Variants in ARHGEF2 observed in about 807,000 individuals in gnomAD.
ARHGEF2 encodes the protein rho guanine nucleotide exchange factor 2.
Under a neutral mutation model 121.0 loss-of-function variants are expected in ARHGEF2, and 22 were observed. The ratio of observed to expected loss-of-function variants is 0.18; its 90% CI spans 0.13 to 0.26. The LOEUF is 0.26. Among genes scored for constraint, ARHGEF2 ranks in the 10% least tolerant of loss-of-function variants. The pLI is 1.00. For synonymous variants in ARHGEF2, 487 were observed against 530.0 expected (o/e 0.92, Z 1.11); for missense variants, 907 against 1,336.0 (o/e 0.68, Z 5.01).
intron 1 of ARHGEF2, among the ~76,000 whole-genome samples, chr1:155,972,743 C>CTGGACTG (rs1464190335): frequency 2.0e-5 from 3 of 151,340 alleles, no homozygotes; most frequent in African/African-American, 7.3e-5. Flanking sequence ...ACTCTGTTGC[C>CTGGACTG]TGGACTGGAG....
In ARHGEF2 at chr1:155,962,470, G is replaced by T; in HGVS notation, c.1101+123C>A. ...GTTACTGCTGACAGGATCTGTGTAT[G>T]GATGGTCTGCACGGGTGGCGAATGC... On this transcript the variant is annotated intron_variant, in intron 9 of 21. Coordinates refer to ENST00000361247, the MANE Select transcript of ARHGEF2 (RefSeq NM_001162383.2). The surrounding 1 kb of genome is among the most constrained non-coding windows in gnomAD (Gnocchi z 5.8). The T allele has an allele frequency of 7.2e-7, 1 of 1,390,952 alleles. No individual in the cohort carries two copies. Among genetic ancestry groups the T allele is most frequent in the Non-Finnish European group, 9.9e-7 (1 of 1,006,608 alleles). 86.2% of individuals were successfully genotyped at this position (1,390,952 alleles called of 1,614,324 possible).
At chr1:155,952,521 A>G in intron 15 of ARHGEF2, 107 bp downstream of exon 15, 1 of 1,300,018 alleles carries the variant, frequency 7.7e-7, no homozygotes, top group Non-Finnish European at 1.1e-6. Flanking sequence ...TTTATGGTTT[A>G]TAGGGTTGGC....
At chr1:155,957,678 T>A in intron 13 of ARHGEF2, 35 bp downstream of exon 13, 1 of 1,583,456 alleles carries the variant, frequency 6.3e-7, no homozygotes, top group Admixed American at 1.7e-5. Context: ...TACCCTGAGG[T>A]CATAAGCACA....
intron 1 of ARHGEF2, chr1:155,970,353 C>A (rs747688987): frequency 2.0e-4 from 201 of 985,422 alleles, no homozygotes; most frequent in Non-Finnish European, 2.4e-4. Flanking sequence ...CCTCTTCAAG[C>A]CCCTGTGATT....
At position 155,952,820 on chromosome 1, in the gene ARHGEF2, G is replaced by C; in HGVS notation, c.1792C>G (p.Gln598Glu). Reference protein sequence around the residue: ...AYLRRIKMELQQKDRALVELL... With the variant: ...AYLRRIKMELEQKDRALVELL... The stretch of plus-strand genomic sequence containing the variant: ...TCCACCAGTGCCCGGTCCTTCTGCT[G>C]CAACTCCACTGCAGATAAGGAACAA... Residue 598 changes from glutamine (Q) to glutamate (E), a missense_variant, in exon 15 of 22, where the codon CAG (glutamine) becomes GAG (glutamate). By Grantham distance (29) the Gln-to-Glu change is conservative. Around this residue, in one of 2 missense-constraint regions of ARHGEF2, gnomAD observed 432 missense variants for 559.5 expected, o/e 0.77. Transcript: ENST00000361247. 6.2e-7 allele frequency: 1 copy of C among 1,614,170 alleles called. No homozygotes were observed. Among genetic ancestry groups the C allele is most frequent in the Non-Finnish European group, 8.5e-7 (1 of 1,180,026 alleles).
intron 14 of ARHGEF2, among the ~76,000 whole-genome samples, chr1:155,953,335 C>T (rs1315418400): frequency 1.3e-5 from 2 of 151,894 alleles, no homozygotes; most frequent in African/African-American, 4.8e-5. Flanking sequence ...TTCCATCTTC[C>T]TTTAATGAGA....
rs568080626 is a variant in ARHGEF2, at chr1:155,969,261, G to A, written c.103C>T (p.Arg35Cys). ...KEKMKEAKDA[R>C]YTNGHLFTTI... Reference sequence around the variant, plus strand: ...GTGAAGAGGTGCCCATTGGTATAGCGGGCATCCTTGGCTTCCTTCATCTTC... The same window carrying A: ...GTGAAGAGGTGCCCATTGGTATAGCAGGCATCCTTGGCTTCCTTCATCTTC... The change falls in exon 2 of 22, where the codon CGC becomes TGC. Residue 35 changes from arginine (R) to cysteine (C), a missense_variant. Transcript: ENST00000361247. 3.1e-6 allele frequency: 5 copies of A among 1,614,032 alleles called. No homozygotes were observed. Among genetic ancestry groups the A allele is most frequent in the East Asian group, 2.2e-5 (1 of 44,900 alleles).
chr1:155,956,609 A>G (rs28379575), intron 13 of ARHGEF2, among the ~76,000 whole-genome samples: 123,113 of 151,434 alleles, frequency 0.81, 52,146 homozygotes, highest in East Asian at 0.94. Flanking sequence ...TAAATCTGAG[A>G]TCAGGAGTTC....
At position 155,978,453 on chromosome 1, in the gene ARHGEF2, C is replaced by T. The variant is rs1681741639; in HGVS notation, c.-26G>A. The T allele has an allele frequency of 6.9e-6, 10 of 1,454,146 alleles. No homozygotes were observed. Among genetic ancestry groups the T allele is most frequent in the African/African-American group, 4.3e-5 (3 of 69,458 alleles). 90.1% of individuals were successfully genotyped at this position (1,454,146 alleles called of 1,614,324 possible). A position where few individuals can be genotyped will look rare whatever the true frequency, so the allele number is the denominator to read the frequency against. ...AATCGGACGGGGGGACCAGGGAGGACGCGGCGCGGACCCCGGCGTCCTGTA... is the reference window on the plus strand; with the variant it reads ...AATCGGACGGGGGGACCAGGGAGGATGCGGCGCGGACCCCGGCGTCCTGTA... On this transcript the variant is annotated 5_prime_UTR_variant, in exon 1 of 22. Transcript: ENST00000361247. The surrounding 1 kb of genome is among the most constrained non-coding windows in gnomAD (Gnocchi z 4.1).
rs1677795092 is a variant in ARHGEF2, at chr1:155,961,008, C to T, written c.1468+653G>A. Among the ~76,000 whole-genome samples the T allele has an allele frequency of 6.6e-6, 1 of 152,202 alleles. No homozygotes were observed. Among genetic ancestry groups the T allele is most frequent in the Non-Finnish European group, 1.5e-5 (1 of 68,030 alleles). ...CTGGCTGCGCTCCCCAAAGCTCTTG[C>T]TTACTCCCATCCCTGGTAGCTGGGA... is the stretch of plus-strand genomic sequence containing the variant. On this transcript the variant is annotated intron_variant, in intron 11 of 21. Coordinates refer to ENST00000361247, the MANE Select transcript of ARHGEF2 (RefSeq NM_001162383.2). The surrounding 1 kb of genome is among the most constrained non-coding windows in gnomAD (Gnocchi z 4.7).
rs1308125897 is a variant in ARHGEF2 at position 155,978,357 on chromosome 1, G to A, written c.63+8C>T. 2.0e-6 allele frequency: 3 copies of A among 1,508,508 alleles called. No individual in the cohort carries two copies. The highest frequency in any genetic ancestry group is 2.7e-6 in the Non-Finnish European group (3 of 1,117,402). The allele number at this position is 1,508,508 out of a possible 1,614,324, so 93.4% of individuals were successfully genotyped here. ...CCGCGGCGAAAGGAGAGGGGTTTCCGAGCCCACCTTGCTCGCCAGCTCTCT... is the reference window on the plus strand; with the variant it reads ...CCGCGGCGAAAGGAGAGGGGTTTCCAAGCCCACCTTGCTCGCCAGCTCTCT... On this transcript the variant is annotated splice_region_variant and intron_variant, in intron 1 of 21. Transcript: ENST00000361247. The surrounding 1 kb of genome is among the most constrained non-coding windows in gnomAD (Gnocchi z 4.1).
rs911479686 is a variant in ARHGEF2 at position 155,951,019 on chromosome 1, C to T, written c.2513G>A (p.Arg838Gln). The part of the protein sequence containing the change: ...RATEAGSLEA[R>Q]LRESEQARAL... ...CCGGGCCTGCTCACTCTCCCGGAGC[C>T]GGGCCTCCAGGCTGCCAGCTTCGGT... Residue 838 changes from arginine (R) to glutamine (Q), a missense_variant, in exon 20 of 22, where the codon CGG (arginine) becomes CAG (glutamine). By Grantham distance (43) the Arg-to-Gln change is conservative (BLOSUM62 1). Transcript: ENST00000361247. This position sits in a 1 kb window ranked among gnomAD's most constrained non-coding sequence, Gnocchi z 5.1. 33 of 1,605,632 alleles carry T rather than the reference C, an allele frequency of 2.1e-5. No individual in the cohort carries two copies. The highest frequency in any genetic ancestry group is 2.7e-5 in the Non-Finnish European group (32 of 1,177,796).
chr1:155,964,216 A>AT (rs1234592071), intron 7 of ARHGEF2, among the ~76,000 whole-genome samples: 76 of 119,182 alleles, frequency 6.4e-4, no homozygotes, highest in African/African-American at 2.0e-3. Context: ...ATATATATAT[A>AT]TTTTTTTTTT....
chr1:155,962,125 C>A lies in ARHGEF2; in HGVS notation c.1199G>T (p.Arg400Leu). 1 of 1,614,182 alleles carries A rather than the reference C, an allele frequency of 6.2e-7. No individual in the cohort carries two copies. The highest frequency in any genetic ancestry group is 8.5e-7 in the Non-Finnish European group (1 of 1,180,028). The change falls in exon 10 of 22, where the codon CGC (arginine) becomes CTC (leucine). Residue 400 changes from arginine to leucine, a missense_variant. Transcript: ENST00000361247. The surrounding 1 kb of genome is among the most constrained non-coding windows in gnomAD (Gnocchi z 5.8). ...RITKYPLLIS[R>L]ILQHSHGIEE... ...CTCACCGTGGGAATGCTGCAGGATGCGGCTGATGAGTAACGGGTACTTGGT... is the reference window on the plus strand; with the variant it reads ...CTCACCGTGGGAATGCTGCAGGATGAGGCTGATGAGTAACGGGTACTTGGT...
intron 3 of ARHGEF2, 132 bp from the exon 4 acceptor site, chr1:155,966,611 G>A (rs1679428106): frequency 1.8e-6 from 2 of 1,111,936 alleles, no homozygotes; most frequent in South Asian, 2.6e-5. Flanking sequence ...AGGGGATCAG[G>A]GTGATTGAGC....
chr1:155,964,162 A>T lies in ARHGEF2; in HGVS notation c.724+826T>A, dbSNP rs1349534938. On this transcript the variant is annotated intron_variant, in intron 7 of 21. Transcript: ENST00000361247. ...TCTGCTTCAAAAAAAAAAAAAAAAA[A>T]AAAAAATATATATATATATATATAT... Among the ~76,000 whole-genome samples the T allele has an allele frequency of 1.3e-3, 123 of 94,270 alleles. 5 individuals are homozygous for T. The South Asian group carries it at 0.031, about 24-fold the overall frequency. 61.8% of individuals were successfully genotyped at this position (94,270 alleles called of 152,430 possible). A position where few individuals can be genotyped will look rare whatever the true frequency, so the allele number is the denominator to read the frequency against.
intron 4 of ARHGEF2, 80 bp downstream of exon 4, chr1:155,966,336 A>G: frequency 1.4e-6 from 2 of 1,384,996 alleles, no homozygotes; most frequent in East Asian, 4.6e-5. Flanking sequence ...GAACAACCTT[A>G]GTGGGGCAGC....
rs1674550285 is a variant in ARHGEF2 at position 155,947,181 on chromosome 1, G to A, written c.*761C>T. 5.5e-6 allele frequency: 2 copies of A among 364,706 alleles called. No individual in the cohort carries two copies. The highest frequency in any genetic ancestry group is 3.6e-5 in the Admixed American group (1 of 27,418). The allele number at this position is 364,706 out of a possible 1,614,324, so 22.6% of individuals were successfully genotyped here. A position where few individuals can be genotyped will look rare whatever the true frequency, so the allele number is the denominator to read the frequency against. ...CTTCTTCAGAGATGTGGAGATAGGAGGCTTCGATCTCTAATTGCCTACGAT... is the reference window on the plus strand; with the variant it reads ...CTTCTTCAGAGATGTGGAGATAGGAAGCTTCGATCTCTAATTGCCTACGAT... On this transcript the variant is annotated 3_prime_UTR_variant, in exon 22 of 22. Transcript: ENST00000361247.
chr1:155,978,138 G>A lies in ARHGEF2; in HGVS notation c.63+227C>T. 7.8e-7 allele frequency: 1 copy of A among 1,281,598 alleles called. No homozygotes were observed. Among genetic ancestry groups the A allele is most frequent in the East Asian group, 3.2e-5 (1 of 31,656 alleles). 79.4% of individuals were successfully genotyped at this position (1,281,598 alleles called of 1,614,324 possible). On this transcript the variant is annotated intron_variant, in intron 1 of 21. Transcript: ENST00000361247. This position sits in a 1 kb window ranked among gnomAD's most constrained non-coding sequence, Gnocchi z 4.1. ...CTTGGAGGCGACCAAGCCCAGGTCC[G>A]CTCCGCTCCCTCCCGGGATCCCAGC...
Sources: allele counts gnomAD v4.1 joint callset (sites outside exome capture counted in the v4.1 genomes callset), GRCh38; gene constraint gnomAD v4.1.1; regional missense constraint gnomAD v4.1.1; non-coding constraint Gnocchi (gnomAD v3.1); transcripts MANE v1.5; gene names NCBI Gene and HGNC (gene_info 2026-07-23, HGNC 2026-07-21).